CLYBL: variants seen among roughly 807,000 people sequenced by gnomAD.
The protein encoded by CLYBL is citramalyl-CoA lyase, mitochondrial.
Under a neutral mutation model 38.9 loss-of-function variants are expected in CLYBL, and 31 were observed. The ratio of observed to expected loss-of-function variants is 0.80; its 90% CI spans 0.60 to 1.08. CLYBL has a LOEUF of 1.08. CLYBL is among the 50% of genes least tolerant of loss of function. CLYBL has a pLI of 0.00. For synonymous variants in CLYBL, 171 were observed against 158.6 expected, an observed-to-expected ratio of 1.08 and a Z score of -0.59; for missense variants, 434 against 411.6, an observed-to-expected ratio of 1.05 and a Z score of -0.47.
intron 2 of CLYBL, among the ~76,000 whole-genome samples, chr13:99,839,572 G>A (rs1481565298): frequency 6.6e-6 from 1 of 151,906 alleles, no homozygotes; most frequent in African/African-American, 2.4e-5. Context: ...CAGACATGAG[G>A]AAATAATGCT....
intron 1 of CLYBL, among the ~76,000 whole-genome samples, chr13:99,680,489 A>G (rs2047719411): frequency 6.6e-6 from 1 of 152,202 alleles, no homozygotes; most frequent in Non-Finnish European, 1.5e-5. Context: ...GTAAAAGGTA[A>G]TTTTACAAGA....
intron 1 of CLYBL, among the ~76,000 whole-genome samples, chr13:99,700,914 AT>A (rs1177548941): frequency 1.3e-5 from 2 of 152,102 alleles, no homozygotes; most frequent in East Asian, 3.9e-4. Context: ...GAAAAGTTGG[AT>A]TTTTTTCCCT....
intron 7 of CLYBL, among the ~76,000 whole-genome samples, chr13:99,884,039 C>G (rs1434288641): frequency 6.6e-6 from 1 of 152,272 alleles, no homozygotes; most frequent in African/African-American, 2.4e-5. Flanking sequence ...CTCTGTCACC[C>G]AGGCTGGAGT....
intron 1 of CLYBL, among the ~76,000 whole-genome samples, chr13:99,659,202 A>ATG (rs143623417): frequency 0.012 from 1,846 of 150,768 alleles, 20 homozygotes; most frequent in African/African-American, 0.019. Context: ...CCTCTAAGCT[A>ATG]TGTGTGTGTG....
At chr13:99,633,763 C>T (rs2046982356) in intron 1 of CLYBL, among the ~76,000 whole-genome samples, 1 of 151,860 alleles carries the variant, frequency 6.6e-6, no homozygotes, top group Non-Finnish European at 1.5e-5. Context: ...AATACATGAA[C>T]TAAATAGAAA....
intron 2 of CLYBL, among the ~76,000 whole-genome samples, chr13:99,857,442 T>A (rs971607852): frequency 8.5e-5 from 13 of 152,234 alleles, no homozygotes; most frequent in Admixed American, 7.2e-4. Context: ...GCTGGCTGCA[T>A]CATCTCTGAC....
In CLYBL at chr13:99,805,768, C is replaced by T. The variant is rs548007118; in HGVS notation, c.249+32758C>T. Among the ~76,000 whole-genome samples the T allele has an allele frequency of 2.0e-5, 3 of 152,248 alleles. No individual in the cohort carries two copies. The South Asian group carries it at 6.2e-4, about 32-fold the overall frequency. ...TGCTTTTAAAAGCAATGAAGAATAT[C>T]TTTAAGAGGGAAGAAATAATTCTGA... On this transcript the variant is annotated intron_variant, in intron 2 of 8. Coordinates refer to ENST00000339105, the MANE Select transcript of CLYBL (RefSeq NM_206808.5).
intron 1 of CLYBL, among the ~76,000 whole-genome samples, chr13:99,699,303 C>T (rs115558762): frequency 0.025 from 3,813 of 151,974 alleles, 161 homozygotes; most frequent in African/African-American, 0.087. Flanking sequence ...GAGACTCCCT[C>T]GAACCCGGGA....
chr13:99,769,987 A>G (rs77476007), intron 1 of CLYBL, among the ~76,000 whole-genome samples: 1,632 of 152,278 alleles, frequency 0.011, 16 homozygotes, highest in East Asian at 0.08. Context: ...GATATAGCTG[A>G]CATATATATT....
chr13:99,749,322 A>T (rs535750672), intron 1 of CLYBL, among the ~76,000 whole-genome samples: 22 of 152,332 alleles, frequency 1.4e-4, no homozygotes, highest in African/African-American at 5.3e-4. Flanking sequence ...ACTAAACCGG[A>T]CAAGAATAAG....
Position 99,729,553 on chromosome 13 carries a change from C to T in CLYBL, c.63-43271C>T, listed in dbSNP as rs192118264. Among the ~76,000 whole-genome samples the T allele has an allele frequency of 1.1e-3, 167 of 152,144 alleles. 1 individual carries two copies. The highest frequency in any genetic ancestry group is 2.6e-3 in the Admixed American group (39 of 15,284). ...TTTAGAAGTGTGTGTAAATGGGAGG[C>T]GGGAAAGTGAGGCCGGAGACTCATC... On this transcript the variant is annotated intron_variant, in intron 1 of 8. Coordinates refer to ENST00000339105, the MANE Select transcript of CLYBL (RefSeq NM_206808.5).
chr13:99,667,674 A>C (rs1405052938), intron 1 of CLYBL, among the ~76,000 whole-genome samples: 1 of 152,190 alleles, frequency 6.6e-6, no homozygotes, highest in East Asian at 1.9e-4. Flanking sequence ...TATGGAATAC[A>C]TTTGATATTA....
chr13:99,686,469 C>G (rs1033808871), intron 1 of CLYBL, among the ~76,000 whole-genome samples: 1 of 151,968 alleles, frequency 6.6e-6, no homozygotes. Flanking sequence ...GAGACACTCT[C>G]GAGGCCAGGA....
chr13:99,864,527 G>C (rs2051690994), intron 4 of CLYBL, among the ~76,000 whole-genome samples: 1 of 152,172 alleles, frequency 6.6e-6, no homozygotes, highest in Non-Finnish European at 1.5e-5. Context: ...ATAACTTATA[G>C]TGCAAGCAAA....
intron 1 of CLYBL, among the ~76,000 whole-genome samples, chr13:99,685,255 A>G (rs1379950449): frequency 6.6e-6 from 1 of 152,212 alleles, no homozygotes; most frequent in African/African-American, 2.4e-5. Flanking sequence ...TTATACCTTT[A>G]TGAAAACTCA....
At chr13:99,645,638 T>C (rs985161666) in intron 1 of CLYBL, among the ~76,000 whole-genome samples, 3 of 152,160 alleles carry the variant, frequency 2.0e-5, no homozygotes, top group African/African-American at 4.8e-5. Flanking sequence ...CTGAGAAATA[T>C]CTGTTCAGAT....
rs564205549 is a variant in CLYBL, at chr13:99,842,479, C to T, written c.250-16382C>T. On this transcript the variant is annotated intron_variant, in intron 2 of 8. Coordinates refer to ENST00000339105, the MANE Select transcript of CLYBL (RefSeq NM_206808.5). The stretch of plus-strand genomic sequence containing the variant: ...CGTTGTCTGTGAGTTGATTTGCCCC[C>T]TCTAGGACTCTCTCCTGGTGCCAAA... Among the ~76,000 whole-genome samples the T allele has an allele frequency of 2.4e-4, 37 of 152,278 alleles. No individual in the cohort carries two copies. In the South Asian group the frequency reaches 6.8e-3, roughly 28 times the overall value.
chr13:99,661,062 A>G (rs900032427), intron 1 of CLYBL, among the ~76,000 whole-genome samples: 8 of 152,182 alleles, frequency 5.3e-5, no homozygotes, highest in African/African-American at 1.7e-4. Flanking sequence ...AAAATATGCT[A>G]TTTTAATTGA....
At chr13:99,712,371 A>G (rs375031985) in intron 1 of CLYBL, among the ~76,000 whole-genome samples, 1 of 130,446 alleles carries the variant, frequency 7.7e-6, no homozygotes, top group African/African-American at 2.9e-5. Context: ...GTCTCGCTCT[A>G]TAGCGCAGGC....
Sources: gnomAD v4.1 joint callset for allele counts (sites outside exome capture counted in the v4.1 genomes callset) on GRCh38, gnomAD v4.1.1 for gene constraint, MANE v1.5 for transcripts, NCBI Gene and HGNC (gene_info 2026-07-23, HGNC 2026-07-21) for gene names.